TAFA1: variants seen among roughly 807,000 people sequenced by gnomAD.
TAFA1 encodes the protein chemokine-like protein TAFA-1.
TAFA1 carries 4 observed loss-of-function variants against 18.5 expected under a neutral mutation model. The observed-to-expected ratio is 0.22, with a 90% CI of 0.11 to 0.49. The LOEUF is 0.49. Among genes scored for constraint, TAFA1 ranks in the 20% least tolerant of loss-of-function variants. The pLI is 0.98. For missense variants in TAFA1, 147 were observed against 169.0 expected, an observed-to-expected ratio of 0.87 and a Z score of 0.72; for synonymous variants, 56 against 55.2, an observed-to-expected ratio of 1.01 and a Z score of -0.06.
chr3:68,022,080 A>G (rs1279122259), intron 2 of TAFA1, among the ~76,000 whole-genome samples: 1 of 152,192 alleles, frequency 6.6e-6, no homozygotes, highest in African/African-American at 2.4e-5. Flanking sequence ...TAGTCTATTT[A>G]TATTCAATTG....
At chr3:68,327,737 A>G (rs560239096) in intron 2 of TAFA1, among the ~76,000 whole-genome samples, 1 of 152,322 alleles carries the variant, frequency 6.6e-6, no homozygotes, top group Middle Eastern at 3.4e-3. Context: ...ATTCATAATC[A>G]ATTAACATGC....
chr3:68,225,505 G>C (rs1206998221), intron 2 of TAFA1, among the ~76,000 whole-genome samples: 1 of 152,126 alleles, frequency 6.6e-6, no homozygotes, highest in African/African-American at 2.4e-5. Context: ...CCTTGGAGAG[G>C]TCATGTCTCC....
chr3:68,442,673 CA>C (rs1219648143), intron 3 of TAFA1, among the ~76,000 whole-genome samples: 3 of 152,102 alleles, frequency 2.0e-5, no homozygotes, highest in Non-Finnish European at 2.9e-5. Context: ...TCTAAATCTA[CA>C]AAATGTATGG....
intron 2 of TAFA1, among the ~76,000 whole-genome samples, chr3:68,030,266 AT>A (rs921387326): frequency 8.6e-5 from 13 of 150,392 alleles, no homozygotes; most frequent in Admixed American, 2.0e-4. Flanking sequence ...CACTTGATGG[AT>A]TTTTTTTTTC....
chr3:68,237,351 T>A (rs772790879), intron 2 of TAFA1, among the ~76,000 whole-genome samples: 36 of 152,294 alleles, frequency 2.4e-4, no homozygotes, highest in Non-Finnish European at 4.4e-4. Context: ...GGTTTCACCT[T>A]CTAGTATAAT....
intron 2 of TAFA1, among the ~76,000 whole-genome samples, chr3:68,073,568 T>A (rs893403889): frequency 6.6e-6 from 1 of 152,260 alleles, no homozygotes; most frequent in Non-Finnish European, 1.5e-5. Flanking sequence ...GGACATAGCC[T>A]ATTACTCTCA....
chr3:68,506,467 A>G (rs1224129423), intron 3 of TAFA1, among the ~76,000 whole-genome samples: 2 of 136,648 alleles, frequency 1.5e-5, no homozygotes, highest in East Asian at 2.4e-4. Flanking sequence ...ACACACACAC[A>G]CAGAGACACA....
chr3:68,136,645 T>C (rs898553668), intron 2 of TAFA1, among the ~76,000 whole-genome samples: 4 of 152,162 alleles, frequency 2.6e-5, no homozygotes, highest in African/African-American at 9.7e-5. Flanking sequence ...GGAAGTGGAA[T>C]ATGTGTGTTT....
At chr3:68,411,186 A>G (rs1453723397) in intron 2 of TAFA1, among the ~76,000 whole-genome samples, 1 of 152,202 alleles carries the variant, frequency 6.6e-6, no homozygotes, top group Non-Finnish European at 1.5e-5. Context: ...TTATGTCCTT[A>G]TAGAATTTGA....
At chr3:68,194,349 C>T (rs1207797324) in intron 2 of TAFA1, among the ~76,000 whole-genome samples, 2 of 151,678 alleles carry the variant, frequency 1.3e-5, no homozygotes, top group African/African-American at 2.4e-5. Flanking sequence ...TGGAAATCTA[C>T]ATTGTTTTCC....
chr3:68,256,168 G>A (rs1044395723), intron 2 of TAFA1, among the ~76,000 whole-genome samples: 2 of 152,078 alleles, frequency 1.3e-5, no homozygotes, highest in Admixed American at 1.3e-4. Context: ...TAGAATAAAG[G>A]AATTTTTATT....
chr3:68,000,031 T>C (rs1263504572), upstream of TAFA1, among the ~76,000 whole-genome samples: 1 of 152,272 alleles, frequency 6.6e-6, no homozygotes, highest in East Asian at 1.9e-4. Context: ...TCAGGCCATC[T>C]GCCCGCCTCG....
intron 2 of TAFA1, among the ~76,000 whole-genome samples, chr3:68,386,714 T>C (rs528204849): frequency 6.6e-6 from 1 of 152,310 alleles, no homozygotes; most frequent in African/African-American, 2.4e-5. Flanking sequence ...TGCTTTCTTT[T>C]CTGTTGGCCT....
At chr3:68,389,012 G>A (rs1000078700) in intron 2 of TAFA1, among the ~76,000 whole-genome samples, 1 of 152,074 alleles carries the variant, frequency 6.6e-6, no homozygotes, top group Admixed American at 6.5e-5. Context: ...CTGACCCTGG[G>A]TTAAAGGTCA....
chr3:68,185,851 A>G (rs1318586615), intron 2 of TAFA1, among the ~76,000 whole-genome samples: 1 of 152,092 alleles, frequency 6.6e-6, no homozygotes, highest in Non-Finnish European at 1.5e-5. Context: ...AGTCAAGGCT[A>G]CAGTGAACCA....
At chr3:68,444,144 T>A (rs1183389613) in intron 3 of TAFA1, among the ~76,000 whole-genome samples, 1 of 152,174 alleles carries the variant, frequency 6.6e-6, no homozygotes, top group African/African-American at 2.4e-5. Context: ...TGTGCCCACC[T>A]TGGAGCTCCA....
intron 2 of TAFA1, among the ~76,000 whole-genome samples, chr3:68,029,205 C>A (rs1434106707): frequency 1.3e-5 from 2 of 152,076 alleles, no homozygotes; most frequent in African/African-American, 4.8e-5. Context: ...CTGATAAGTT[C>A]TAGGGATTAG....
chr3:68,339,991 T>C (rs2069052648), intron 2 of TAFA1, among the ~76,000 whole-genome samples: 1 of 152,202 alleles, frequency 6.6e-6, no homozygotes, highest in African/African-American at 2.4e-5. Flanking sequence ...ACCAAGGAGT[T>C]TCCTATCCTT....
chr3:67,994,137 T>C, the TAFA1 span, among the ~76,000 whole-genome samples: 1 of 152,332 alleles, frequency 6.6e-6, no homozygotes, highest in African/African-American at 2.4e-5. Context: ...GCTGAGACTA[T>C]ATATTTCTAG....
Sources: gnomAD v4.1 joint callset for allele counts (sites outside exome capture counted in the v4.1 genomes callset) on GRCh38, gnomAD v4.1.1 for gene constraint, MANE v1.5 for transcripts, NCBI Gene and HGNC (gene_info 2026-07-23, HGNC 2026-07-21) for gene names.